The following RGS6 variants were observed in gnomAD, a reference collection of about 807,000 sequenced individuals.
RGS6 encodes the protein regulator of G-protein signaling 6.
RGS6 carries 30 observed loss-of-function variants against 78.5 expected under a neutral mutation model. The observed-to-expected ratio is 0.38, with a 90% CI of 0.29 to 0.52. The LOEUF (loss-of-function observed/expected upper bound fraction) is 0.52. Ranked by LOEUF, RGS6 falls within the 20% of genes least tolerant of loss-of-function variation. The pLI, the probability that RGS6 is intolerant of heterozygous loss-of-function variation, is 0.85. For missense variants in RGS6, 495 were observed against 609.7 expected, an observed-to-expected ratio of 0.81 and a Z score of 1.98; for synonymous variants, 206 against 206.0, an observed-to-expected ratio of 1.00 and a Z score of 0.00.
chr14:72,545,616 G>A (rs757452679), intron 17 of RGS6, among the ~76,000 whole-genome samples: 7 of 152,142 alleles, frequency 4.6e-5, no homozygotes, highest in Admixed American at 2.0e-4. Context: ...CTGTCTTCTT[G>A]CCCAGTTAGT....
At chr14:72,392,953 C>T (rs2090372000) in intron 3 of RGS6, among the ~76,000 whole-genome samples, 1 of 152,186 alleles carries the variant, frequency 6.6e-6, no homozygotes, top group South Asian at 2.1e-4. Context: ...GGCAGCAGCG[C>T]AAACCTTCAC....
At chr14:72,626,695 G>T in the RGS6 span, among the ~76,000 whole-genome samples, 12 of 152,112 alleles carry the variant, frequency 7.9e-5, no homozygotes. Flanking sequence ...GTAGATTCCT[G>T]TAGGTGAGAA....
At chr14:72,301,577 A>G (rs1830435378) in intron 2 of RGS6, among the ~76,000 whole-genome samples, 1 of 152,192 alleles carries the variant, frequency 6.6e-6, no homozygotes, top group Admixed American at 6.5e-5. Flanking sequence ...GGCTGTCACA[A>G]CGAAGTACCA....
intron 2 of RGS6, among the ~76,000 whole-genome samples, chr14:72,071,167 A>G (rs1164757169): frequency 6.6e-6 from 1 of 152,286 alleles, no homozygotes; most frequent in South Asian, 2.1e-4. Flanking sequence ...TGAATAACTT[A>G]TGTAATCTTT....
chr14:72,049,926 C>T (rs924793934), intron 2 of RGS6, among the ~76,000 whole-genome samples: 3 of 151,732 alleles, frequency 2.0e-5, no homozygotes, highest in Non-Finnish European at 2.9e-5. Context: ...CAAACAGTGA[C>T]ACTAAATATA....
chr14:72,513,559 T>G (rs903148706), intron 14 of RGS6, among the ~76,000 whole-genome samples: 2 of 152,344 alleles, frequency 1.3e-5, no homozygotes, highest in Middle Eastern at 3.4e-3. Context: ...TTGAGTGCCT[T>G]GGGAATGCTC....
intron 2 of RGS6, among the ~76,000 whole-genome samples, chr14:72,089,887 A>G (rs1019085972): frequency 1.3e-5 from 2 of 151,960 alleles, no homozygotes; most frequent in African/African-American, 4.8e-5. Flanking sequence ...CCCTCCCCCA[A>G]TTGCCATCCC....
intron 17 of RGS6, among the ~76,000 whole-genome samples, chr14:72,548,356 T>TGCGCGCGCGC (rs2097443223): frequency 7.1e-6 from 1 of 141,698 alleles, no homozygotes; most frequent in Non-Finnish European, 1.5e-5. Flanking sequence ...CGCGTGTGTG[T>TGCGCGCGCGC]GTGTGTGTGT....
intron 2 of RGS6, among the ~76,000 whole-genome samples, chr14:72,254,870 C>T (rs1315633212): frequency 6.6e-6 from 1 of 152,212 alleles, no homozygotes; most frequent in East Asian, 1.9e-4. Flanking sequence ...ATACACTTTT[C>T]TCTACCAACA....
At chr14:71,976,350 C>T (rs1484360236) in intron 2 of RGS6, among the ~76,000 whole-genome samples, 13 of 150,090 alleles carry the variant, frequency 8.7e-5, no homozygotes, top group East Asian at 3.9e-4. Context: ...CATGCTGGTG[C>T]GCTGCACCCA....
chr14:71,923,564 T>A, the RGS6 span, among the ~76,000 whole-genome samples: 14 of 151,426 alleles, frequency 9.2e-5, no homozygotes, highest in African/African-American at 2.4e-4. Context: ...CTATTTTTTT[T>A]AAAGTTGTGA....
chr14:72,002,504 C>G (rs1187452977), intron 2 of RGS6, among the ~76,000 whole-genome samples: 3 of 151,996 alleles, frequency 2.0e-5, no homozygotes, highest in Non-Finnish European at 1.5e-5. Context: ...AAACCACAGT[C>G]TTTACATGAT....
chr14:71,938,368 G>A (rs1226646716), intron 1 of RGS6, among the ~76,000 whole-genome samples: 2 of 152,202 alleles, frequency 1.3e-5, no homozygotes, highest in Admixed American at 1.3e-4. Context: ...TGCACAGCTA[G>A]GTGCACTGCT....
At chr14:72,520,624 A>G (rs1405537329) in intron 15 of RGS6, among the ~76,000 whole-genome samples, 1 of 152,260 alleles carries the variant, frequency 6.6e-6, no homozygotes, top group Non-Finnish European at 1.5e-5. Context: ...AACTAGCAGT[A>G]CAATTCACAT....
At chr14:72,058,128 G>A (rs2093710089) in intron 2 of RGS6, among the ~76,000 whole-genome samples, 1 of 151,730 alleles carries the variant, frequency 6.6e-6, no homozygotes, top group African/African-American at 2.4e-5. Flanking sequence ...CAGAGCAGAG[G>A]CATTGGCTTG....
intron 12 of RGS6, among the ~76,000 whole-genome samples, chr14:72,489,071 G>A (rs891733085): frequency 6.6e-6 from 1 of 151,946 alleles, no homozygotes; most frequent in Non-Finnish European, 1.5e-5. Context: ...GCTGCCAAGT[G>A]GATGTCTTTT....
At chr14:71,986,579 G>A (rs534714170) in intron 2 of RGS6, among the ~76,000 whole-genome samples, 92 of 151,932 alleles carry the variant, frequency 6.1e-4, no homozygotes, top group African/African-American at 1.9e-3. Context: ...GTGTGGTGGC[G>A]TGCACCTGTA....
chr14:72,020,194 T>G (rs2153268303), intron 2 of RGS6, among the ~76,000 whole-genome samples: 1 of 152,314 alleles, frequency 6.6e-6, no homozygotes, highest in African/African-American at 2.4e-5. Context: ...TGATGTTTGG[T>G]CTCCCAGCTA....
the RGS6 span, among the ~76,000 whole-genome samples, chr14:71,880,431 T>C: frequency 6.6e-6 from 1 of 152,190 alleles, no homozygotes. Flanking sequence ...TAGCCCCTCC[T>C]ATCACAGGCT....
Sources: gnomAD v4.1 joint callset for allele counts (sites outside exome capture counted in the v4.1 genomes callset) on GRCh38, gnomAD v4.1.1 for gene constraint, MANE v1.5 for transcripts, NCBI Gene and HGNC (gene_info 2026-07-23, HGNC 2026-07-21) for gene names.